The following ZFHX3 variants were observed in gnomAD, a reference collection of about 807,000 sequenced individuals.
ZFHX3 encodes the protein zinc finger homeobox 3.
ZFHX3 carries 42 observed loss-of-function variants against 279.1 expected under a neutral mutation model. That is an observed-to-expected ratio of 0.15 (90% CI 0.12 to 0.19). The LOEUF is 0.19. Among genes scored for constraint, ZFHX3 ranks in the 10% least tolerant of loss-of-function variants. The pLI, the probability that ZFHX3 is intolerant of heterozygous loss-of-function variation, is 1.00. For missense variants in ZFHX3, 4,981 were observed against 4,754.0 expected, an observed-to-expected ratio of 1.05 and a Z score of -1.40; for synonymous variants, 2,293 against 1,957.8, an observed-to-expected ratio of 1.17 and a Z score of -4.52.
chr16:73,357,464 C>T (rs549123263), intron 3 of ZFHX3, among the ~76,000 whole-genome samples: 1 of 152,200 alleles, frequency 6.6e-6, no homozygotes, highest in East Asian at 1.9e-4. Context: ...ACAGGGAAGG[C>T]CAGAGCCTTC....
At chr16:73,203,612 T>C (rs1420460326) in intron 5 of ZFHX3, among the ~76,000 whole-genome samples, 1 of 152,230 alleles carries the variant, frequency 6.6e-6, no homozygotes, top group Non-Finnish European at 1.5e-5. Flanking sequence ...AAACAAATTC[T>C]GAGCTGGACA....
chr16:73,326,285 A>G (rs1230026431), intron 3 of ZFHX3, among the ~76,000 whole-genome samples: 1 of 152,252 alleles, frequency 6.6e-6, no homozygotes, highest in Non-Finnish European at 1.5e-5. Flanking sequence ...AGGACAGACC[A>G]GAAGACACTG....
chr16:73,128,747 G>A (rs1300420913), intron 7 of ZFHX3, among the ~76,000 whole-genome samples: 1 of 152,056 alleles, frequency 6.6e-6, no homozygotes, highest in East Asian at 1.9e-4. Flanking sequence ...ATCCTTCTCC[G>A]CTTGTTCCCC....
intron 7 of ZFHX3, among the ~76,000 whole-genome samples, chr16:73,104,352 T>A (rs368037010): frequency 9.2e-5 from 14 of 152,298 alleles, no homozygotes; most frequent in African/African-American, 3.4e-4. Context: ...TGCCTCAGCC[T>A]CCCGAGTAGC....
chr16:73,386,054 C>T lies in ZFHX3; in HGVS notation c.-1290-67718G>A, dbSNP rs142613010. On this transcript the variant is annotated intron_variant, in intron 3 of 17. Transcript: ENST00000641206. ...CACAAAGAAGCACTAAAGAAACTAC[C>T]GAAGGGTAGGTCATCTCAGGCGAAA... is the stretch of plus-strand genomic sequence containing the variant. Among the ~76,000 whole-genome samples, 10 of 152,196 alleles carry T rather than the reference C, an allele frequency of 6.6e-5. No homozygotes were observed. In the East Asian group the frequency reaches 9.6e-4, roughly 15 times the overall value.
At chr16:73,721,162 G>A (rs139159472) in intron 1 of ZFHX3, among the ~76,000 whole-genome samples, 4 of 151,352 alleles carry the variant, frequency 2.6e-5, no homozygotes, top group Non-Finnish European at 5.9e-5. Flanking sequence ...TCACTCTGTC[G>A]CCAGGCTGGC....
intron 2 of ZFHX3, among the ~76,000 whole-genome samples, chr16:73,560,215 T>C (rs1395448829): frequency 1.4e-5 from 2 of 147,162 alleles, no homozygotes; most frequent in Non-Finnish European, 3.0e-5. Flanking sequence ...AAGGACTATT[T>C]CAGAGACCGC....
chr16:72,886,976 A>AG (rs2038641720), intron 4 of ZFHX3, among the ~76,000 whole-genome samples: 3 of 152,234 alleles, frequency 2.0e-5, no homozygotes, highest in Admixed American at 1.3e-4. Flanking sequence ...AACACATGGA[A>AG]GGGACAGTCT....
intron 3 of ZFHX3, among the ~76,000 whole-genome samples, chr16:73,395,804 G>T (rs918793506): frequency 3.9e-5 from 6 of 151,994 alleles, no homozygotes; most frequent in Non-Finnish European, 7.4e-5. Flanking sequence ...AAACTCCCCA[G>T]GGATGGTATA....
At position 73,872,623 on chromosome 16, in the gene ZFHX3, C is replaced by A. The variant is rs150220959; in HGVS notation, c.-1608+19028G>T. On this transcript the variant is annotated intron_variant, in intron 1 of 17. Coordinates refer to the ZFHX3 transcript ENST00000641206. ...AGTACATGAATTGTCGGACAGTTAT[C>A]TTTAAAAAACTTAATTCACACCTTT... 5.3e-3 allele frequency among the ~76,000 whole-genome samples: 798 copies of A among 150,346 alleles called. 6 individuals are homozygous for A. Among genetic ancestry groups the A allele is most frequent in the African/African-American group, 0.018 (736 of 40,760 alleles).
At chr16:73,804,761 C>G (rs986493113) in intron 1 of ZFHX3, among the ~76,000 whole-genome samples, 1 of 151,908 alleles carries the variant, frequency 6.6e-6, no homozygotes, top group Non-Finnish European at 1.5e-5. Context: ...AATACTTCAC[C>G]TTTCTGACAT....
intron 1 of ZFHX3, among the ~76,000 whole-genome samples, chr16:73,885,858 T>C (rs1345359897): frequency 6.6e-6 from 1 of 152,174 alleles, no homozygotes; most frequent in Non-Finnish European, 1.5e-5. Flanking sequence ...CAGACCCTGA[T>C]GCACCCACGC....
intron 2 of ZFHX3, among the ~76,000 whole-genome samples, chr16:73,552,810 C>G (rs955147648): frequency 1.3e-5 from 2 of 152,178 alleles, no homozygotes; most frequent in African/African-American, 4.8e-5. Context: ...GATTTTCCTG[C>G]TCTAGACTGA....
chr16:73,526,766 T>C (rs2019702963), intron 2 of ZFHX3, among the ~76,000 whole-genome samples: 1 of 152,110 alleles, frequency 6.6e-6, no homozygotes, highest in Non-Finnish European at 1.5e-5. Flanking sequence ...CAATTGCTCT[T>C]TAATAAACTG....
chr16:73,666,745 A>T (rs2052846478), intron 2 of ZFHX3, among the ~76,000 whole-genome samples: 1 of 151,678 alleles, frequency 6.6e-6, no homozygotes, highest in African/African-American at 2.4e-5. Context: ...ACTCCTCCCA[A>T]ATCCCCTTGT....
intron 1 of ZFHX3, among the ~76,000 whole-genome samples, chr16:73,837,849 C>A (rs1334171871): frequency 6.6e-6 from 1 of 152,052 alleles, no homozygotes; most frequent in Non-Finnish European, 1.5e-5. Context: ...TTGGTCAGGC[C>A]GGTCTTGAAC....
intron 5 of ZFHX3, among the ~76,000 whole-genome samples, chr16:73,169,194 C>T (rs1202960865): frequency 6.6e-6 from 1 of 152,162 alleles, no homozygotes; most frequent in Non-Finnish European, 1.5e-5. Flanking sequence ...ATGCCTAATA[C>T]ATAAAACGAT....
chr16:72,800,368 TTAA>T (rs2036059065), intron 7 of ZFHX3, among the ~76,000 whole-genome samples: 1 of 152,200 alleles, frequency 6.6e-6, no homozygotes, highest in African/African-American at 2.4e-5. Context: ...AATCTTCTTA[TTAA>T]TATTTTTCCT....
rs766287350 is a variant in ZFHX3 at position 72,794,175 on chromosome 16, G to A, written c.8507C>T (p.Ser2836Phe). Reference sequence around the variant, plus strand: ...ATCTGTGATTGCTGTGTTGACAGAGGAACAGTCATCGTTGTCCAGCTTAGT... The same window carrying A: ...ATCTGTGATTGCTGTGTTGACAGAGAAACAGTCATCGTTGTCCAGCTTAGT... ...DQTKLDNDDCSSVNTAITDTT... is the reference protein window; with the variant it reads ...DQTKLDNDDCFSVNTAITDTT... Residue 2836 changes from serine to phenylalanine, a missense_variant, in exon 9 of 10, where the codon TCC (serine) becomes TTC (phenylalanine). Physicochemically the swap from Ser to Phe is radical, Grantham distance 155 (BLOSUM62 -2). This residue lies in a region of ZFHX3 where 744 missense variants were observed against 701.3 expected (regional missense o/e 1.06). Transcript: ENST00000268489. The surrounding 1 kb of genome is among the most constrained non-coding windows in gnomAD (Gnocchi z 4.2). The A allele has an allele frequency of 1.2e-6, 2 of 1,614,204 alleles. No individual in the cohort carries two copies. The highest frequency in any genetic ancestry group is 1.1e-5 in the South Asian group (1 of 91,076).
Sources: allele counts gnomAD v4.1 joint callset (sites outside exome capture counted in the v4.1 genomes callset), GRCh38; gene constraint gnomAD v4.1.1; regional missense constraint gnomAD v4.1.1; non-coding constraint Gnocchi (gnomAD v3.1); transcripts MANE v1.5; gene names NCBI Gene and HGNC (gene_info 2026-07-23, HGNC 2026-07-21).